The following CCT6A variants were observed in gnomAD, a reference collection of about 807,000 sequenced individuals.
The protein encoded by CCT6A is T-complex protein 1 subunit zeta.
Under a neutral mutation model 58.6 loss-of-function variants are expected in CCT6A, and 6 were observed. That is an observed-to-expected ratio of 0.10 (90% CI 0.06 to 0.20). The LOEUF (loss-of-function observed/expected upper bound fraction) is 0.20. Among genes scored for constraint, CCT6A ranks in the 10% least tolerant of loss-of-function variants. The probability of loss-of-function intolerance (pLI) is 1.00; values close to 1 mark genes in which losing one functional copy is unlikely to be tolerated. For missense variants in CCT6A, 516 were observed against 648.8 expected, an observed-to-expected ratio of 0.80 and a Z score of 2.22; for synonymous variants, 245 against 227.8, an observed-to-expected ratio of 1.08 and a Z score of -0.68.
rs1430826186 is a variant in CCT6A, at chr7:56,058,065, C to T, written c.687C>T (p.Tyr229=). The T allele has an allele frequency of 2.5e-6, 4 of 1,609,498 alleles. No individual in the cohort carries two copies. Among genetic ancestry groups the T allele is most frequent in the Non-Finnish European group, 3.4e-6 (4 of 1,175,954 alleles). Residue 229 remains tyrosine, a synonymous_variant, in exon 6 of 14, where the codon TAC becomes TAT. Transcript: ENST00000275603. ...TGAAGAAAAGGGTGGAGGATGCATA[C>T]ATCCTCACTTGTAACGTGTCATTAG... ...PDMKKRVEDA[Y]ILTCNVSLEY...
At chr7:56,057,933 TTAATA>T in intron 5 of CCT6A, 55 bp from the exon 6 acceptor site, 2 of 894,598 alleles carry the variant, frequency 2.2e-6, no homozygotes, top group East Asian at 2.4e-5. Flanking sequence ...ATTTCAGTGT[TTAATA>T]TATTAAATAC....
chr7:56,052,037 T>A (rs3735665), intron 1 of CCT6A, 52 bp downstream of exon 1: 949,268 of 1,365,350 alleles, frequency 0.7, 331,293 homozygotes, highest in Non-Finnish European at 0.71. Context: ...GCCGCCGCGC[T>A]CCTGGCGGGC....
chr7:56,058,773 T>G lies in CCT6A; in HGVS notation c.968+71T>G. 8 of 990,438 alleles carry G rather than the reference T, an allele frequency of 8.1e-6. No individual in the cohort carries two copies. In the South Asian group the frequency reaches 8.6e-5, roughly 11 times the overall value. 61.4% of individuals were successfully genotyped at this position (990,438 alleles called of 1,614,324 possible). A position where few individuals can be genotyped will look rare whatever the true frequency, so the allele number is the denominator to read the frequency against. On this transcript the variant is annotated intron_variant, in intron 8 of 13. Coordinates refer to ENST00000275603, the MANE Select transcript of CCT6A (RefSeq NM_001762.4). Reference sequence around the variant, plus strand: ...ATTATTTCTTTTTCCTTATACTTTATTTTTGGGTTTTTCAACTGTATAGTT... The same window carrying G: ...ATTATTTCTTTTTCCTTATACTTTAGTTTTGGGTTTTTCAACTGTATAGTT...
At chr7:56,061,694 T>TTTTTTTTTTTTTTTTTTTTTTTTTTTTA in intron 11 of CCT6A, 53 bp from the exon 12 acceptor site, 2 of 409,622 alleles carry the variant, frequency 4.9e-6, no homozygotes, top group South Asian at 2.7e-5. Context: ...TTTTTTTTTT[T>TTTTTTTTTTTTTTTTTTTTTTTTTTTTA]ACTATCAGTT....
At chr7:56,060,456 T>A in intron 10 of CCT6A, 40 bp downstream of exon 10, 1 of 1,606,516 alleles carries the variant, frequency 6.2e-7, no homozygotes, top group East Asian at 2.2e-5. Context: ...TATATTGTTT[T>A]GCTGGTCTGA....
At chr7:56,052,986 A>T (rs1255241681) in intron 2 of CCT6A, among the ~76,000 whole-genome samples, 2 of 151,852 alleles carry the variant, frequency 1.3e-5, no homozygotes, top group African/African-American at 4.8e-5. Context: ...TAGAGACAGG[A>T]TTTCACCGTG....
chr7:56,055,048 C>T (rs1311390345), intron 3 of CCT6A, among the ~76,000 whole-genome samples: 3 of 151,940 alleles, frequency 2.0e-5, no homozygotes, highest in South Asian at 2.1e-4. Context: ...CCGAGGTGGG[C>T]GGATCACCTG....
intron 5 of CCT6A, among the ~76,000 whole-genome samples, chr7:56,056,966 T>A (rs1407505850): frequency 6.6e-6 from 1 of 151,870 alleles, no homozygotes; most frequent in Admixed American, 6.6e-5. Context: ...CCGGATAATT[T>A]TTGTATTTTT....
In CCT6A at chr7:56,063,074, C is replaced by G. The variant is rs779239963; in HGVS notation, c.1585C>G (p.Leu529Val). 7 of 1,607,072 alleles carry G rather than the reference C, an allele frequency of 4.4e-6. No homozygotes were observed. The East Asian group carries it at 1.1e-4, about 26-fold the overall frequency. The change falls in exon 14 of 14, where the codon CTG becomes GTG. Residue 529 changes from leucine (L) to valine (V), a missense_variant. By Grantham distance (32) the Leu-to-Val change is conservative. Coordinates refer to ENST00000275603, the MANE Select transcript of CCT6A (RefSeq NM_001762.4). ...GATCATGCGAGCTGGAATGTCTTCT[C>G]TGAAAGGTTGAATTGAAGCTTCCTC... is the stretch of plus-strand genomic sequence containing the variant. ...DEIMRAGMSSLKG is the reference protein window; with the variant it reads ...DEIMRAGMSSVKG
Position 56,061,200 on chromosome 7 carries a change from C to G in CCT6A, c.1347+260C>G, listed in dbSNP as rs572729505. On this transcript the variant is annotated intron_variant, in intron 11 of 13. Coordinates refer to ENST00000275603, the MANE Select transcript of CCT6A (RefSeq NM_001762.4). ...GGGGTTATACTTGAGTACAAACTTG[C>G]TTTTTGCTTTTGTTTTAAACTGATA... Among the ~76,000 whole-genome samples, 3 of 152,082 alleles carry G rather than the reference C, an allele frequency of 2.0e-5. No individual in the cohort carries two copies. In the South Asian group the frequency reaches 6.2e-4, roughly 32 times the overall value.
At position 56,063,122 on chromosome 7, in the gene CCT6A, C is replaced by T. The variant is rs1205052312; in HGVS notation, c.*37C>T. 9 of 1,329,600 alleles carry T rather than the reference C, an allele frequency of 6.8e-6. No homozygotes were observed. Among genetic ancestry groups the T allele is most frequent in the Non-Finnish European group, 9.8e-6 (9 of 920,216 alleles). 82.4% of individuals were successfully genotyped at this position (1,329,600 alleles called of 1,614,324 possible). ...CTCTGTATCTGAATCTTGAAGACTG[C>T]AAAGTGATCCTGAGGATTACAGCTG... On this transcript the variant is annotated 3_prime_UTR_variant, in exon 14 of 14. Coordinates refer to ENST00000275603, the MANE Select transcript of CCT6A (RefSeq NM_001762.4).
Position 56,056,317 on chromosome 7 carries a change from G to A in CCT6A, c.517G>A (p.Val173Met). The change falls in exon 5 of 14, where the codon GTG becomes ATG. Residue 173 changes from valine (V) to methionine (M), a missense_variant. Val to Met is a conservative substitution (Grantham distance 21). Transcript: ENST00000275603. ...ELADVLTEAVVDSILAIKKQD... is the reference protein window; with the variant it reads ...ELADVLTEAVMDSILAIKKQD... Reference sequence around the variant, plus strand: ...TATGCTCCTCCAATTGCAGGCTGTAGTGGACTCCATTTTGGCCATTAAAAA... The same window carrying A: ...TATGCTCCTCCAATTGCAGGCTGTAATGGACTCCATTTTGGCCATTAAAAA... The A allele has an allele frequency of 6.5e-7, 1 of 1,536,894 alleles. No individual in the cohort carries two copies.
intron 4 of CCT6A, 52 bp downstream of exon 4, chr7:56,055,849 C>T (rs769419043): frequency 2.3e-6 from 3 of 1,315,918 alleles, no homozygotes; most frequent in South Asian, 2.6e-5. Context: ...TATAGAAAAT[C>T]TCTGATAGTA....
chr7:56,060,204 G>C, intron 9 of CCT6A, 65 bp from the exon 10 acceptor site: 1 of 1,393,240 alleles, frequency 7.2e-7, no homozygotes, highest in Non-Finnish European at 1.0e-6. Context: ...TTCTCTGTAA[G>C]TCCCTCTTCT....
At position 56,061,668 on chromosome 7, in the gene CCT6A, CTTTTTTTTTT is replaced by C. The variant is rs71015174; in HGVS notation, c.1348-62_1348-53del. On this transcript the variant is annotated intron_variant, in intron 11 of 13. Coordinates refer to ENST00000275603, the MANE Select transcript of CCT6A (RefSeq NM_001762.4). ...GGCCGAGATTTTCTTTTTCTTTTTT[CTTTTTTTTTT>C]TTTTTTTTTTTTTTTTACTATCAGT... 7.7e-3 allele frequency: 2,388 copies of C among 311,468 alleles called. 1 individual carries two copies. The highest frequency in any genetic ancestry group is 0.017 in the Middle Eastern group (14 of 826). 19.3% of individuals were successfully genotyped at this position (311,468 alleles called of 1,614,324 possible). A position where few individuals can be genotyped will look rare whatever the true frequency, so the allele number is the denominator to read the frequency against.
At chr7:56,053,551 C>T (rs970819225) in intron 2 of CCT6A, among the ~76,000 whole-genome samples, 9 of 152,068 alleles carry the variant, frequency 5.9e-5, no homozygotes, top group Admixed American at 2.0e-4. Context: ...CAGGAGTTCA[C>T]GACCAGCCCT....
rs1352113038 is a variant in CCT6A at position 56,055,483 on chromosome 7, T to C, written c.337-141T>C. 3 of 748,966 alleles carry C rather than the reference T, an allele frequency of 4.0e-6. No individual in the cohort carries two copies. The Admixed American group carries it at 6.6e-5, about 16-fold the overall frequency. The allele number at this position is 748,966 out of a possible 1,614,324, so 46.4% of individuals were successfully genotyped here. ...AGGAATATTTGTCCTTTTAAATGTA[T>C]TCAGAAAGCCAGCACATTATATTAC... On this transcript the variant is annotated intron_variant, in intron 3 of 13. Transcript: ENST00000275603.
At chr7:56,052,511 G>A in intron 2 of CCT6A, 26 bp downstream of exon 2, 1 of 1,577,510 alleles carries the variant, frequency 6.3e-7, no homozygotes, top group Admixed American at 1.7e-5. Flanking sequence ...GGCTAGGTCA[G>A]AAAGGTCTTG....
Position 56,059,555 on chromosome 7 carries a change from C to T in CCT6A, c.980C>T (p.Ala327Val). ...AAATGCTATTTCAGGCTGACTCTTG[C>T]TTGTGGTGGGGTAGCCCTGAATTCT... ...KRRNMERLTL[A>V]CGGVALNSFD... Residue 327 changes from alanine to valine, a missense_variant, in exon 9 of 14, where the codon GCT (alanine) becomes GTT (valine). Physicochemically the swap from Ala to Val is moderately conservative, Grantham distance 64. This residue lies in a region of CCT6A where 315 missense variants were observed against 389.4 expected (regional missense o/e 0.81). Transcript: ENST00000275603. 1.3e-6 allele frequency: 2 copies of T among 1,599,382 alleles called. No individual in the cohort carries two copies. The highest frequency in any genetic ancestry group is 1.7e-6 in the Non-Finnish European group (2 of 1,166,646).
Sources: allele counts gnomAD v4.1 joint callset (sites outside exome capture counted in the v4.1 genomes callset), GRCh38; gene constraint gnomAD v4.1.1; regional missense constraint gnomAD v4.1.1; transcripts MANE v1.5; gene names NCBI Gene and HGNC (gene_info 2026-07-23, HGNC 2026-07-21).